The following PSAT1 variants were observed in gnomAD, a reference collection of about 807,000 sequenced individuals.
PSAT1 encodes the protein phosphoserine aminotransferase 1, also known as phosphoserine aminotransferase.
A neutral mutation model predicts 40.3 loss-of-function variants in PSAT1; 41 were observed. The observed-to-expected ratio is 1.02, with a 90% CI of 0.79 to 1.32. PSAT1 has a LOEUF of 1.32. PSAT1 is among the 40% of genes most tolerant of loss of function. The pLI, the probability that PSAT1 is intolerant of heterozygous loss-of-function variation, is 0.00. For synonymous variants in PSAT1, 147 were observed against 170.5 expected, an observed-to-expected ratio of 0.86 and a Z score of 1.07; for missense variants, 406 against 455.8, an observed-to-expected ratio of 0.89 and a Z score of 0.99.
chr9:78,300,769 A>T, intron 2 of PSAT1, 107 bp downstream of exon 2: 3 of 1,418,120 alleles, frequency 2.1e-6, no homozygotes, highest in Non-Finnish European at 2.7e-6. Flanking sequence ...AGGCTGGAGT[A>T]CAGTGGCGTG....
Position 78,300,622 on chromosome 9 carries a change from G to T in PSAT1, c.81G>T (p.Lys27Asn). The change falls in exon 2 of 9, where the codon AAG (lysine) becomes AAT (asparagine). Residue 27 changes from lysine to asparagine, a missense_variant. Physicochemically the swap from Lys to Asn is moderately conservative, Grantham distance 94. Coordinates refer to ENST00000376588, the MANE Select transcript of PSAT1 (RefSeq NM_058179.4). ...TCTAGGTGTTGTTAGAGATACAAAAGGAATTATTAGACTACAAAGGAGTTG... is the reference window on the plus strand; with the variant it reads ...TCTAGGTGTTGTTAGAGATACAAAATGAATTATTAGACTACAAAGGAGTTG... Reference protein sequence around the residue: ...LPHSVLLEIQKELLDYKGVGI... With the variant: ...LPHSVLLEIQNELLDYKGVGI... 6.3e-7 allele frequency: 1 copy of T among 1,598,494 alleles called. No individual in the cohort carries two copies. The highest frequency in any genetic ancestry group is 8.5e-7 in the Non-Finnish European group (1 of 1,171,202).
At chr9:78,311,934 G>A (rs1828274221) in intron 6 of PSAT1, among the ~76,000 whole-genome samples, 1 of 152,176 alleles carries the variant, frequency 6.6e-6, no homozygotes, top group African/African-American at 2.4e-5. Flanking sequence ...ACATCAAGAT[G>A]TGTGCAAAAT....
At chr9:78,312,713 AT>A (rs1828285878) in intron 6 of PSAT1, among the ~76,000 whole-genome samples, 1 of 152,092 alleles carries the variant, frequency 6.6e-6, no homozygotes, top group African/African-American at 2.4e-5. Context: ...AATAATAATA[AT>A]AAATAAATAA....
In PSAT1 at chr9:78,328,074, G is replaced by T; in HGVS notation, c.893G>T (p.Arg298Ile). The change falls in exon 8 of 9, where the codon AGA (arginine) becomes ATA (isoleucine). Residue 298 changes from arginine (R) to isoleucine (I), a missense_variant. Physicochemically the swap from Arg to Ile is moderately conservative, Grantham distance 97. Transcript: ENST00000376588. ...FYVCPVEPQNRSKMNIPFRIG... is the reference protein window; with the variant it reads ...FYVCPVEPQNISKMNIPFRIG... ...AGTTGTCCAGTGGAGCCCCAAAATAGAAGCAAGATGAATATTCCATTCCGC... is the reference window on the plus strand; with the variant it reads ...AGTTGTCCAGTGGAGCCCCAAAATATAAGCAAGATGAATATTCCATTCCGC... 1 of 1,611,366 alleles carries T rather than the reference G, an allele frequency of 6.2e-7. No individual in the cohort carries two copies. The highest frequency in any genetic ancestry group is 8.5e-7 in the Non-Finnish European group (1 of 1,179,250).
At chr9:78,306,143 C>T (rs958345378) in intron 4 of PSAT1, among the ~76,000 whole-genome samples, 171 bp from the exon 5 acceptor site, 3 of 152,148 alleles carry the variant, frequency 2.0e-5, no homozygotes, top group Admixed American at 6.5e-5. Flanking sequence ...ATGTTGATAA[C>T]GATGGTAACA....
intron 7 of PSAT1, among the ~76,000 whole-genome samples, chr9:78,327,647 T>C: frequency 6.6e-6 from 1 of 152,220 alleles, no homozygotes; most frequent in Non-Finnish European, 1.5e-5. Flanking sequence ...ACAGCCACTA[T>C]AGGACCAACT....
intron 7 of PSAT1, among the ~76,000 whole-genome samples, chr9:78,320,251 A>G (rs1189611285): frequency 6.6e-6 from 1 of 150,866 alleles, no homozygotes; most frequent in Non-Finnish European, 1.5e-5. Context: ...CCAGACATCC[A>G]TCTGTCCACC....
chr9:78,315,179 A>C (rs1828323783), intron 6 of PSAT1, among the ~76,000 whole-genome samples: 1 of 152,186 alleles, frequency 6.6e-6, no homozygotes, highest in Non-Finnish European at 1.5e-5. Context: ...TCCCACTCGC[A>C]GGGGAGCTAG....
intron 4 of PSAT1, among the ~76,000 whole-genome samples, chr9:78,306,011 C>T (rs1038439171): frequency 6.6e-6 from 1 of 152,194 alleles, no homozygotes; most frequent in African/African-American, 2.4e-5. Flanking sequence ...GATCCTCCCA[C>T]CTTAGCCTCC....
At position 78,319,019 on chromosome 9, in the gene PSAT1, C is replaced by T. The variant is rs116037187; in HGVS notation, c.869+1215C>T. Among the ~76,000 whole-genome samples the T allele has an allele frequency of 4.6e-3, 701 of 152,254 alleles. 7 individuals are homozygous for T. The highest frequency in any genetic ancestry group is 0.016 in the African/African-American group (665 of 41,552). ...ACATGTATGTGCGCCTACACATATA[C>T]ATAAATGCTTAAACTCACCAAACTG... is the stretch of plus-strand genomic sequence containing the variant. On this transcript the variant is annotated intron_variant, in intron 7 of 8. Transcript: ENST00000376588.
In PSAT1 at chr9:78,329,246, C is replaced by T; in HGVS notation, c.*160C>T. On this transcript the variant is annotated 3_prime_UTR_variant, in exon 9 of 9. Coordinates refer to ENST00000376588, the MANE Select transcript of PSAT1 (RefSeq NM_058179.4). The stretch of plus-strand genomic sequence containing the variant: ...GAACAACAGCAAAACATCCACAACT[C>T]TGTAAAGCTGGTGGGACCTAATGTC... 1.5e-6 allele frequency: 1 copy of T among 649,968 alleles called. No homozygotes were observed. The highest frequency in any genetic ancestry group is 2.2e-5 in the Admixed American group (1 of 44,514). 40.3% of individuals were successfully genotyped at this position (649,968 alleles called of 1,614,324 possible).
intron 6 of PSAT1, among the ~76,000 whole-genome samples, chr9:78,315,886 C>G (rs1828336126): frequency 6.6e-6 from 1 of 152,208 alleles, no homozygotes; most frequent in African/African-American, 2.4e-5. Flanking sequence ...AGCTGGGTAT[C>G]CCCACCCTAG....
At chr9:78,309,851 G>T (rs1389649554) in intron 6 of PSAT1, among the ~76,000 whole-genome samples, 1 of 152,220 alleles carries the variant, frequency 6.6e-6, no homozygotes, top group Non-Finnish European at 1.5e-5. Context: ...GCCTAAGAGA[G>T]TCTAGTATTT....
At chr9:78,299,514 C>CTTTTTTTTTTTTTAATCTAATTCTTT (rs1828076440) in intron 1 of PSAT1, among the ~76,000 whole-genome samples, 27 of 118,512 alleles carry the variant, frequency 2.3e-4, no homozygotes, top group South Asian at 1.8e-3. Flanking sequence ...TAATCTAATT[C>CTTTTTTTTTTTTTAATCTAATTCTTT]TTTTTTTTTT....
intron 7 of PSAT1, among the ~76,000 whole-genome samples, chr9:78,327,579 C>T (rs1828519146): frequency 6.6e-6 from 1 of 152,132 alleles, no homozygotes; most frequent in Non-Finnish European, 1.5e-5. Context: ...GGTCACACAG[C>T]TTGGGGCAAT....
At chr9:78,300,133 A>G (rs1465962896) in intron 1 of PSAT1, among the ~76,000 whole-genome samples, 3 of 152,168 alleles carry the variant, frequency 2.0e-5, no homozygotes, top group African/African-American at 7.2e-5. Context: ...CCTGGGACGA[A>G]TCTTATTCAC....
At chr9:78,326,832 C>A (rs1644382132) in intron 7 of PSAT1, among the ~76,000 whole-genome samples, 1 of 150,402 alleles carries the variant, frequency 6.6e-6, no homozygotes, top group Admixed American at 6.7e-5. Flanking sequence ...TCATTTGGAG[C>A]CAGATGGTCT....
intron 3 of PSAT1, 102 bp from the exon 4 acceptor site, chr9:78,304,633 T>C (rs1828154120): frequency 9.4e-7 from 1 of 1,067,908 alleles, no homozygotes; most frequent in Middle Eastern, 2.1e-4. Flanking sequence ...ATATTTCTTG[T>C]AGTAAATCCA....
intron 7 of PSAT1, 112 bp from the exon 8 acceptor site, chr9:78,327,939 A>G: frequency 8.3e-7 from 1 of 1,210,706 alleles, no homozygotes; most frequent in Non-Finnish European, 1.2e-6. Flanking sequence ...TTGTTTTTTA[A>G]AAAATCTTCT....
Sources: allele counts gnomAD v4.1 joint callset (sites outside exome capture counted in the v4.1 genomes callset), GRCh38; gene constraint gnomAD v4.1.1; transcripts MANE v1.5; gene names NCBI Gene and HGNC (gene_info 2026-07-23, HGNC 2026-07-21).